PRKD1: variants seen among roughly 807,000 people sequenced by gnomAD.
PRKD1 encodes the protein protein kinase D1, also known as serine/threonine-protein kinase D1.
A neutral mutation model predicts 95.9 loss-of-function variants in PRKD1; 63 were observed. The observed-to-expected ratio is 0.66, with a 90% confidence interval of 0.54 to 0.81. The LOEUF (loss-of-function observed/expected upper bound fraction) is 0.81. Among genes scored for constraint, PRKD1 ranks in the 30% least tolerant of loss-of-function variants. The pLI, the probability that PRKD1 is intolerant of heterozygous loss-of-function variation, is 0.00. For synonymous variants in PRKD1, 425 were observed against 423.1 expected (o/e 1.00, Z -0.05); for missense variants, 1,048 against 1,165.3 (o/e 0.90, Z 1.47).
At chr14:29,632,541 T>G in intron 9 of PRKD1, among the ~76,000 whole-genome samples, 1 of 152,170 alleles carries the variant, frequency 6.6e-6, no homozygotes, top group African/African-American at 2.4e-5. Flanking sequence ...GAGTTTACTT[T>G]GAGCTGATCT....
chr14:29,609,435 T>G (rs1189688806), intron 13 of PRKD1, among the ~76,000 whole-genome samples: 2 of 151,036 alleles, frequency 1.3e-5, no homozygotes, highest in Non-Finnish European at 2.9e-5. Flanking sequence ...TGGGGAGAGG[T>G]GAGGATCAAT....
rs112466349 is a variant in PRKD1, at chr14:29,725,967, A to G, written c.265-293T>C. Among the ~76,000 whole-genome samples, 1,521 of 152,260 alleles carry G rather than the reference A, an allele frequency of 1.0e-2. 26 individuals are homozygous for G. The highest frequency in any genetic ancestry group is 0.035 in the African/African-American group (1,434 of 41,554). On this transcript the variant is annotated intron_variant, in intron 1 of 17. Coordinates refer to ENST00000331968, the MANE Select transcript of PRKD1 (RefSeq NM_002742.3). Reference sequence around the variant, plus strand: ...AAGATTTAAATAAGTTCTGGCAGTAAAGTGGTTAAGAAATATAGGTGGGAA... The same window carrying G: ...AAGATTTAAATAAGTTCTGGCAGTAGAGTGGTTAAGAAATATAGGTGGGAA...
rs781530142 is a variant in PRKD1 at position 29,663,689 on chromosome 14, G to T, written c.696+10C>A. On this transcript the variant is annotated intron_variant, in intron 4 of 17. Transcript: ENST00000331968. ...TGTAAATGGGGAAGTGGGTAAACAGGAAGCCATACCAGAAGGGGCTCATCA... is the reference window on the plus strand; with the variant it reads ...TGTAAATGGGGAAGTGGGTAAACAGTAAGCCATACCAGAAGGGGCTCATCA... 6.2e-7 allele frequency: 1 copy of T among 1,612,492 alleles called. No individual in the cohort carries two copies. The highest frequency in any genetic ancestry group is 1.3e-5 in the African/African-American group (1 of 74,836).
intron 1 of PRKD1, among the ~76,000 whole-genome samples, chr14:29,822,826 C>T (rs568244578): frequency 1.2e-4 from 18 of 152,240 alleles, no homozygotes; most frequent in African/African-American, 4.3e-4. Context: ...AAAGAAAATA[C>T]TCCCACAGTT....
chr14:29,656,583 T>G, intron 4 of PRKD1: 1 of 1,420,878 alleles, frequency 7.0e-7, no homozygotes, highest in African/African-American at 1.4e-5. Context: ...CGTTATTGGA[T>G]GGAAGCAAAG....
At chr14:29,584,518 T>A (rs1892849022) in intron 16 of PRKD1, among the ~76,000 whole-genome samples, 1 of 152,210 alleles carries the variant, frequency 6.6e-6, no homozygotes, top group African/African-American at 2.4e-5. Flanking sequence ...TCCTTTAAGG[T>A]CACACAGATT....
intron 1 of PRKD1, among the ~76,000 whole-genome samples, chr14:29,755,785 T>C (rs1179567848): frequency 6.6e-6 from 1 of 152,200 alleles, no homozygotes; most frequent in Admixed American, 6.5e-5. Flanking sequence ...TGCTCTCATA[T>C]GTGCTTAGAC....
chr14:29,692,922 C>T (rs867572605), intron 2 of PRKD1, among the ~76,000 whole-genome samples: 1 of 152,266 alleles, frequency 6.6e-6, no homozygotes, highest in South Asian at 2.1e-4. Context: ...CTGTAAGTCA[C>T]AACAAATATC....
chr14:29,700,159 ATTTTAGGGTACATTTC>A (rs1884755643), intron 2 of PRKD1, among the ~76,000 whole-genome samples: 1 of 151,958 alleles, frequency 6.6e-6, no homozygotes, highest in Non-Finnish European at 1.5e-5. Context: ...ACCCCTACAA[ATTTTAGGGTACATTTC>A]TTTAAAAAAA....
chr14:29,647,323 G>A (rs539076246), intron 4 of PRKD1, among the ~76,000 whole-genome samples: 2 of 152,244 alleles, frequency 1.3e-5, no homozygotes, highest in South Asian at 2.1e-4. Context: ...TAAAGGAACC[G>A]TGATATTTTC....
intron 1 of PRKD1, among the ~76,000 whole-genome samples, chr14:29,906,289 A>T (rs896148355): frequency 1.3e-5 from 2 of 152,234 alleles, no homozygotes; most frequent in South Asian, 4.1e-4. Context: ...CTGCAACCCC[A>T]GCACTTTGGG....
chr14:29,587,894 G>A (rs1892991603), intron 16 of PRKD1, among the ~76,000 whole-genome samples: 1 of 152,082 alleles, frequency 6.6e-6, no homozygotes, highest in South Asian at 2.1e-4. Flanking sequence ...AACCCCAGTG[G>A]AGGTTCTGAC....
intron 1 of PRKD1, among the ~76,000 whole-genome samples, chr14:29,854,193 A>G (rs2139344718): frequency 6.6e-6 from 1 of 152,308 alleles, no homozygotes; most frequent in South Asian, 2.1e-4. Flanking sequence ...GGTAACAGAC[A>G]GGGCTTGAAA....
At chr14:29,612,611 G>A (rs1401336594) in intron 13 of PRKD1, among the ~76,000 whole-genome samples, 6 of 152,054 alleles carry the variant, frequency 3.9e-5, no homozygotes, top group African/African-American at 7.2e-5. Flanking sequence ...AACTTTTTAC[G>A]ATGATTTAAC....
chr14:29,611,792 T>C (rs1345288081), intron 13 of PRKD1, among the ~76,000 whole-genome samples: 3 of 150,624 alleles, frequency 2.0e-5, no homozygotes, highest in African/African-American at 7.3e-5. Context: ...AGCTGTTTAA[T>C]GGTTTATAAA....
intron 1 of PRKD1, among the ~76,000 whole-genome samples, chr14:29,838,775 C>T (rs78085487): frequency 6.6e-6 from 1 of 151,940 alleles, no homozygotes; most frequent in Non-Finnish European, 1.5e-5. Flanking sequence ...AATTTTTGCA[C>T]CAAACTAAAC....
At chr14:29,721,301 C>T (rs1885884272) in intron 2 of PRKD1, among the ~76,000 whole-genome samples, 1 of 151,924 alleles carries the variant, frequency 6.6e-6, no homozygotes, top group East Asian at 1.9e-4. Flanking sequence ...TGAAAGAAGC[C>T]CAAGAAAAAC....
intron 1 of PRKD1, among the ~76,000 whole-genome samples, chr14:29,780,999 T>G (rs1229153061): frequency 6.6e-6 from 1 of 151,992 alleles, no homozygotes; most frequent in Non-Finnish European, 1.5e-5. Context: ...GGGACATGGA[T>G]GAAGCTGGAA....
At chr14:29,883,846 T>C (rs1386917916) in intron 1 of PRKD1, among the ~76,000 whole-genome samples, 1 of 152,148 alleles carries the variant, frequency 6.6e-6, no homozygotes, top group Non-Finnish European at 1.5e-5. Context: ...CTGCAATCTG[T>C]CTTTACTTGC....
Sources: allele counts gnomAD v4.1 joint callset (sites outside exome capture counted in the v4.1 genomes callset), GRCh38; gene constraint gnomAD v4.1.1; transcripts MANE v1.5; gene names NCBI Gene and HGNC (gene_info 2026-07-23, HGNC 2026-07-21).